The following CYP27C1 variants were observed in gnomAD, a reference collection of about 807,000 sequenced individuals.
CYP27C1 encodes the protein cytochrome P450 family 27 subfamily C member 1.
Under a neutral mutation model 40.6 loss-of-function variants are expected in CYP27C1, and 29 were observed. That is an observed-to-expected ratio of 0.71 (90% CI 0.53 to 0.97). The LOEUF (loss-of-function observed/expected upper bound fraction) is 0.97. Among genes scored for constraint, CYP27C1 ranks in the 50% least tolerant of loss-of-function variants. The pLI is 0.00. For synonymous variants in CYP27C1, 198 were observed against 186.8 expected (o/e 1.06, Z -0.49); for missense variants, 390 against 485.8 (o/e 0.80, Z 1.85).
rs987903205 is a variant in CYP27C1, at chr2:127,206,799, G to A, written c.283-709C>T. ...AAGCCCTCTGTGGACAGTCTGTAAC[G>A]AGCCTCTAAAACTGACTCCCAGCAA... On this transcript the variant is annotated intron_variant, in intron 1 of 8. Coordinates refer to ENST00000664447, the MANE Select transcript of CYP27C1 (RefSeq NM_001367502.1). Among the ~76,000 whole-genome samples the A allele has an allele frequency of 3.3e-5, 5 of 152,102 alleles. 1 individual carries two copies. The highest frequency in any genetic ancestry group is 7.3e-5 in the Non-Finnish European group (5 of 68,034).
chr2:127,192,292 G>C (rs538385232), intron 8 of CYP27C1, among the ~76,000 whole-genome samples: 2 of 152,182 alleles, frequency 1.3e-5, no homozygotes, highest in African/African-American at 2.4e-5. Context: ...TTCAGGCAAC[G>C]ATGGAGCTCC....
At chr2:127,207,576 G>A (rs1167870636) in intron 1 of CYP27C1, among the ~76,000 whole-genome samples, 1 of 152,066 alleles carries the variant, frequency 6.6e-6, no homozygotes, top group African/African-American at 2.4e-5. Context: ...AGGCTGAGGT[G>A]GGAGGATCAC....
At chr2:127,206,216 C>G (rs1255791077) in intron 1 of CYP27C1, among the ~76,000 whole-genome samples, 126 bp from the exon 2 acceptor site, 1 of 152,228 alleles carries the variant, frequency 6.6e-6, no homozygotes, top group Non-Finnish European at 1.5e-5. Context: ...TAACACAGCA[C>G]TGAATCAGAG....
chr2:127,184,523 T>TGCCTCA lies in CYP27C1; in HGVS notation c.*2742_*2747dup, dbSNP rs1682574506. ...GCCTCCCAGGTTCAAGCAATTCTCC[T>TGCCTCA]GCCTCAGCCTCCCAAGTAGCTGGAA... is the stretch of plus-strand genomic sequence containing the variant. On this transcript the variant is annotated 3_prime_UTR_variant, in exon 9 of 9. Transcript: ENST00000664447. 1 of 151,984 alleles carries TGCCTCA rather than the reference T, an allele frequency of 6.6e-6. No homozygotes were observed. Among genetic ancestry groups the TGCCTCA allele is most frequent in the African/African-American group, 2.4e-5 (1 of 41,376 alleles). 9.4% of individuals were successfully genotyped at this position (151,984 alleles called of 1,614,324 possible). A position where few individuals can be genotyped will look rare whatever the true frequency, so the allele number is the denominator to read the frequency against.
At chr2:127,205,197 C>T (rs988922847) in intron 2 of CYP27C1, among the ~76,000 whole-genome samples, 21 of 152,200 alleles carry the variant, frequency 1.4e-4, no homozygotes, top group African/African-American at 4.8e-4. Flanking sequence ...TAATTATTTC[C>T]CCCAGGACGG....
At chr2:127,204,441 AAAGAAAGAAAGAAAGAAAG>A (rs1201187927) in intron 2 of CYP27C1, among the ~76,000 whole-genome samples, 8 of 7,882 alleles carry the variant, frequency 1.0e-3, no homozygotes, top group African/African-American at 2.8e-3. Flanking sequence ...AAAGAAAGAA[AAAGAAAGAAAGAAAGAAAG>A]AAAGAAAGAA....
chr2:127,193,782 A>G lies in CYP27C1; in HGVS notation c.1293+7T>C, dbSNP rs1187606255. 1.3e-5 allele frequency: 21 copies of G among 1,614,012 alleles called. No individual in the cohort carries two copies. The highest frequency in any genetic ancestry group is 1.8e-5 in the Non-Finnish European group (21 of 1,180,016). ...AGGCCTGGCCACCCCCATGGCCCCA[A>G]ACTCACGCCTTTCGGAATCAGATAC... On this transcript the variant is annotated splice_region_variant and intron_variant, in intron 7 of 8. Coordinates refer to ENST00000664447, the MANE Select transcript of CYP27C1 (RefSeq NM_001367502.1).
intron 8 of CYP27C1, among the ~76,000 whole-genome samples, chr2:127,191,326 T>C (rs1682764429): frequency 1.3e-5 from 2 of 152,172 alleles, no homozygotes; most frequent in Non-Finnish European, 2.9e-5. Context: ...GCAAAAACTT[T>C]AGCAGTTATA....
At position 127,220,052 on chromosome 2, in the gene CYP27C1, C is replaced by T. The variant is rs1217832641; in HGVS notation, c.219G>A (p.Arg73=). The T allele has an allele frequency of 1.3e-5, 2 of 151,856 alleles. No homozygotes were observed. The highest frequency in any genetic ancestry group is 1.5e-5 in the Non-Finnish European group (1 of 67,912). 9.4% of individuals were successfully genotyped at this position (151,856 alleles called of 1,614,324 possible). The change falls in exon 1 of 9, where the codon AGG becomes AGA. Residue 73 remains arginine (R), a synonymous_variant. Transcript: ENST00000664447. The surrounding 1 kb of genome is among the most constrained non-coding windows in gnomAD (Gnocchi z 4.6). ...AGAACTCCGCCAGGTTGGCGAGGGT[C>T]CTCGGCCCCGGCATGGCGGCGAGGC... The part of the protein sequence containing the change: ...PRSLAAMPGP[R]TLANLAEFFC...
intron 6 of CYP27C1, among the ~76,000 whole-genome samples, chr2:127,194,215 A>G (rs1682851637): frequency 6.6e-6 from 1 of 152,204 alleles, no homozygotes; most frequent in African/African-American, 2.4e-5. Context: ...ATAGGACTTA[A>G]GGCCCCATGA....
rs910975770 is a variant in CYP27C1, at chr2:127,196,135, T to A, written c.1048-634A>T. On this transcript the variant is annotated intron_variant, in intron 5 of 8. Coordinates refer to ENST00000664447, the MANE Select transcript of CYP27C1 (RefSeq NM_001367502.1). This position sits in a 1 kb window ranked among gnomAD's most constrained non-coding sequence, Gnocchi z 4.5. ...TGGAATGCAGTGACGCGATCTCGGC[T>A]CACTGCAAGCTCTGCCTCCCGGGTT... Among the ~76,000 whole-genome samples the A allele has an allele frequency of 1.3e-5, 2 of 151,770 alleles. No individual in the cohort carries two copies. The highest frequency in any genetic ancestry group is 4.8e-5 in the African/African-American group (2 of 41,260).
Position 127,188,223 on chromosome 2 carries a change from C to T in CYP27C1, c.1498-836G>A, listed in dbSNP as rs892625501. 7.0e-4 allele frequency among the ~76,000 whole-genome samples: 106 copies of T among 152,112 alleles called. 3 individuals are homozygous for T. The highest frequency in any genetic ancestry group is 2.1e-4 in the Non-Finnish European group (14 of 68,022). ...CCAGGCTGTCCCCGCCCTGCCCTTC[C>T]TCTCTGTCCAGCTTTGTCTCCCAGG... On this transcript the variant is annotated intron_variant, in intron 8 of 8. Coordinates refer to ENST00000664447, the MANE Select transcript of CYP27C1 (RefSeq NM_001367502.1).
intron 4 of CYP27C1, 32 bp from the exon 5 acceptor site, chr2:127,199,571 G>A (rs547993555): frequency 6.3e-7 from 1 of 1,582,780 alleles, no homozygotes; most frequent in Non-Finnish European, 8.6e-7. Context: ...TTTGAAAGGA[G>A]TTTGGGTTGA....
Position 127,186,182 on chromosome 2 carries a change from T to G in CYP27C1, c.*1089A>C, listed in dbSNP as rs1353743567. ...ATTTCCAGTTCTTATACGTCTGCTC[T>G]ACTCTGTATTTAGATTTGGTTAGAA... On this transcript the variant is annotated 3_prime_UTR_variant, in exon 9 of 9. Transcript: ENST00000664447. The surrounding 1 kb of genome is among the most constrained non-coding windows in gnomAD (Gnocchi z 4.5). 1 of 152,114 alleles carries G rather than the reference T, an allele frequency of 6.6e-6. No individual in the cohort carries two copies. The highest frequency in any genetic ancestry group is 1.5e-5 in the Non-Finnish European group (1 of 68,000). The allele number at this position is 152,114 out of a possible 1,614,324, so 9.4% of individuals were successfully genotyped here.
chr2:127,198,285 A>G (rs916160549), intron 5 of CYP27C1, among the ~76,000 whole-genome samples: 27 of 152,192 alleles, frequency 1.8e-4, no homozygotes, highest in African/African-American at 6.3e-4. Flanking sequence ...TTTTGAAGTT[A>G]TGTTGGCTTT....
intron 2 of CYP27C1, among the ~76,000 whole-genome samples, 158 bp from the exon 3 acceptor site, chr2:127,203,729 G>A (rs560399750): frequency 6.6e-6 from 1 of 152,230 alleles, no homozygotes; most frequent in East Asian, 1.9e-4. Flanking sequence ...TGGGGAGAGA[G>A]AAGTTAATAA....
intron 3 of CYP27C1, 51 bp downstream of exon 3, chr2:127,203,321 T>C: frequency 6.3e-7 from 1 of 1,580,528 alleles, no homozygotes; most frequent in Non-Finnish European, 8.6e-7. Context: ...TCTGCAGGTT[T>C]GGGGCAAGTA....
intron 3 of CYP27C1, among the ~76,000 whole-genome samples, chr2:127,203,116 C>T (rs1351645347): frequency 6.6e-6 from 1 of 150,514 alleles, no homozygotes; most frequent in African/African-American, 2.4e-5. Context: ...TGCAGCGAGC[C>T]AAGACCACAT....
intron 6 of CYP27C1, among the ~76,000 whole-genome samples, 194 bp from the exon 7 acceptor site, chr2:127,194,061 G>A (rs1682849838): frequency 6.6e-6 from 1 of 152,212 alleles, no homozygotes; most frequent in Non-Finnish European, 1.5e-5. Context: ...CGAGTATTCT[G>A]AGGAATGTGG....
Sources: allele counts gnomAD v4.1 joint callset (sites outside exome capture counted in the v4.1 genomes callset), GRCh38; gene constraint gnomAD v4.1.1; non-coding constraint Gnocchi (gnomAD v3.1); transcripts MANE v1.5; gene names NCBI Gene and HGNC (gene_info 2026-07-23, HGNC 2026-07-21).